Variants in TRAK1 observed in about 807,000 individuals in gnomAD.
TRAK1 encodes trafficking kinesin-binding protein 1.
In TRAK1, 33 loss-of-function variants were observed where a neutral mutation model predicts 92.1. That is an observed-to-expected ratio of 0.36 (90% CI 0.27 to 0.48). TRAK1 has a LOEUF of 0.48. TRAK1 is among the 20% of genes least tolerant of loss of function. The probability of loss-of-function intolerance (pLI) is 0.99; values close to 1 mark genes in which losing one functional copy is unlikely to be tolerated. For missense variants in TRAK1, 1,123 were observed against 1,257.9 expected (o/e 0.89, Z 1.62); for synonymous variants, 521 against 517.3 (o/e 1.01, Z -0.10).
At chr3:42,120,804 C>T (rs1709753210) in intron 1 of TRAK1, among the ~76,000 whole-genome samples, 2 of 152,122 alleles carry the variant, frequency 1.3e-5, no homozygotes, top group Admixed American at 1.3e-4. Flanking sequence ...CCTCAGCCTC[C>T]CAAAGTGCTG....
At chr3:42,193,759 AAG>A (rs1706166282) in intron 8 of TRAK1, 63 bp from the exon 9 acceptor site, 3 of 1,529,884 alleles carry the variant, frequency 2.0e-6, no homozygotes, top group Non-Finnish European at 1.8e-6. Context: ...TTAGGTTAAT[AAG>A]AGGGAAAAAG....
At chr3:42,104,704 A>T (rs1365135625) in intron 1 of TRAK1, among the ~76,000 whole-genome samples, 3 of 152,240 alleles carry the variant, frequency 2.0e-5, no homozygotes, top group Non-Finnish European at 4.4e-5. Flanking sequence ...CGTCACCATC[A>T]TCAAAGACCA....
At chr3:42,182,836 G>A (rs548595414) in intron 3 of TRAK1, among the ~76,000 whole-genome samples, 9 of 152,340 alleles carry the variant, frequency 5.9e-5, no homozygotes, top group African/African-American at 1.9e-4. Context: ...TATCCAAGAC[G>A]TTAGAAATAA....
At chr3:42,200,537 T>C (rs1707375968) in intron 11 of TRAK1, among the ~76,000 whole-genome samples, 1 of 152,188 alleles carries the variant, frequency 6.6e-6, no homozygotes, top group African/African-American at 2.4e-5. Flanking sequence ...GGGTTAAGCT[T>C]TAGGGATGTG....
In TRAK1 at chr3:42,115,621, C is replaced by T. The variant is rs147270948; in HGVS notation, c.92-9799C>T. Among the ~76,000 whole-genome samples the T allele has an allele frequency of 9.3e-3, 1,419 of 152,280 alleles. 13 individuals are homozygous for T. Among genetic ancestry groups the T allele is most frequent in the South Asian group, 0.043 (205 of 4,818 alleles). On this transcript the variant is annotated intron_variant, in intron 1 of 15. Coordinates refer to ENST00000327628, the MANE Select transcript of TRAK1 (RefSeq NM_001042646.3). ...GCGTTTCTTCTGTTGGTAATTAAGG[C>T]CATGGAATTCTAGAGAACTCCCCAG... is the stretch of plus-strand genomic sequence containing the variant.
intron 2 of TRAK1, among the ~76,000 whole-genome samples, chr3:42,133,156 G>A (rs1697437856): frequency 6.6e-6 from 1 of 152,022 alleles, no homozygotes. Context: ...AATCCAACTG[G>A]GTCATGCCGC....
chr3:42,210,035 G>A (rs373744575), intron 14 of TRAK1, 50 bp downstream of exon 14: 3 of 1,614,120 alleles, frequency 1.9e-6, no homozygotes, highest in South Asian at 1.1e-5. Context: ...GAAGTTACCC[G>A]AGCCGGCCTC....
At chr3:42,068,261 C>T (rs1161472025) in intron 1 of TRAK1, among the ~76,000 whole-genome samples, 1 of 152,112 alleles carries the variant, frequency 6.6e-6, no homozygotes, top group Non-Finnish European at 1.5e-5. Flanking sequence ...TAGGCTCAAG[C>T]GATCCTTCTA....
intron 3 of TRAK1, among the ~76,000 whole-genome samples, chr3:42,184,334 C>T (rs1704480464): frequency 6.6e-6 from 1 of 152,198 alleles, no homozygotes; most frequent in Non-Finnish European, 1.5e-5. Flanking sequence ...ATACAATAGC[C>T]CAGCCCTCAG....
chr3:42,212,068 A>G (rs762313717), intron 14 of TRAK1: 76 of 985,298 alleles, frequency 7.7e-5, no homozygotes, highest in Non-Finnish European at 8.8e-5. Context: ...TATTTTCTCT[A>G]TTGGGAATTA....
chr3:42,140,888 A>G (rs1017746726), intron 2 of TRAK1, among the ~76,000 whole-genome samples: 2 of 152,184 alleles, frequency 1.3e-5, no homozygotes, highest in African/African-American at 2.4e-5. Context: ...AGCAGGTTCC[A>G]GAGGGGGGTT....
chr3:42,099,116 G>GT (rs961559850), intron 1 of TRAK1, among the ~76,000 whole-genome samples: 36 of 152,110 alleles, frequency 2.4e-4, no homozygotes, highest in Admixed American at 2.2e-3. Flanking sequence ...GAAGTGGCAT[G>GT]TGATAGGAGG....
intron 1 of TRAK1, among the ~76,000 whole-genome samples, chr3:42,074,954 T>C (rs1704088521): frequency 6.6e-6 from 1 of 152,122 alleles, no homozygotes; most frequent in African/African-American, 2.4e-5. Context: ...GAAAATGTGG[T>C]ATTTGGTTTT....
At chr3:42,033,841 C>T (rs894261728) in intron 1 of TRAK1, among the ~76,000 whole-genome samples, 1 of 152,190 alleles carries the variant, frequency 6.6e-6, no homozygotes, top group African/African-American at 2.4e-5. Flanking sequence ...CTCCCAGACT[C>T]TCTGCCTCAT....
At position 42,225,368 on chromosome 3, in the gene TRAK1, G is replaced by C. The variant is rs1710682950; in HGVS notation, c.*1631G>C. 5 of 152,180 alleles carry C rather than the reference G, an allele frequency of 3.3e-5. No homozygotes were observed. The highest frequency in any genetic ancestry group is 3.3e-4 in the Admixed American group (5 of 15,276). The allele number at this position is 152,180 out of a possible 1,614,324, so 9.4% of individuals were successfully genotyped here. On this transcript the variant is annotated 3_prime_UTR_variant, in exon 16 of 16. Coordinates refer to ENST00000327628, the MANE Select transcript of TRAK1 (RefSeq NM_001042646.3). ...AGGATACTTTGAGAAAGCCCCTAAG[G>C]AACAAGCCTCAGTCCCACGGTTTCA...
intron 1 of TRAK1, among the ~76,000 whole-genome samples, chr3:42,073,279 C>T (rs564646154): frequency 2.8e-4 from 42 of 152,280 alleles, no homozygotes; most frequent in Middle Eastern, 3.4e-3. Flanking sequence ...GACACTGCTC[C>T]GACTTTCTGA....
intron 1 of TRAK1, among the ~76,000 whole-genome samples, chr3:42,067,670 G>A (rs1041653362): frequency 6.6e-5 from 10 of 151,782 alleles, no homozygotes. Flanking sequence ...CTGGTGGACT[G>A]TCATTCTGTA....
chr3:42,111,091 T>C (rs1708337610), intron 1 of TRAK1, among the ~76,000 whole-genome samples: 1 of 152,098 alleles, frequency 6.6e-6, no homozygotes, highest in Non-Finnish European at 1.5e-5. Context: ...AGTCAGTCCA[T>C]CTGGGATCAG....
intron 1 of TRAK1, among the ~76,000 whole-genome samples, chr3:42,058,872 C>A (rs1483047152): frequency 1.3e-5 from 2 of 152,030 alleles, no homozygotes; most frequent in African/African-American, 2.4e-5. Flanking sequence ...GGCTATAAGA[C>A]AAAATTCAAT....
Sources: allele counts gnomAD v4.1 joint callset (sites outside exome capture counted in the v4.1 genomes callset), GRCh38; gene constraint gnomAD v4.1.1; transcripts MANE v1.5; gene names NCBI Gene and HGNC (gene_info 2026-07-23, HGNC 2026-07-21).